The following RABGEF1 variants were observed in gnomAD, a reference collection of about 807,000 sequenced individuals.
RABGEF1 encodes the protein RAB guanine nucleotide exchange factor 1.
RABGEF1 carries 26 observed loss-of-function variants against 57.3 expected under a neutral mutation model. That is an observed-to-expected ratio of 0.45 (90% confidence interval 0.33 to 0.63). The LOEUF (loss-of-function observed/expected upper bound fraction) is 0.63, where lower values mean the gene tolerates loss of function less well. Ranked by LOEUF, RABGEF1 falls within the 20% of genes least tolerant of loss-of-function variation. The pLI is 0.02. For synonymous variants in RABGEF1, 185 were observed against 210.7 expected, an observed-to-expected ratio of 0.88 and a Z score of 1.06; for missense variants, 464 against 607.6, an observed-to-expected ratio of 0.76 and a Z score of 2.48.
At chr7:66,697,717 C>T (rs551711322) in intron 1 of RABGEF1, among the ~76,000 whole-genome samples, 2 of 152,074 alleles carry the variant, frequency 1.3e-5, no homozygotes, top group African/African-American at 4.8e-5. Context: ...CCGGCCTCAG[C>T]GAGGTGGGGG....
At chr7:66,683,211 T>C (rs1259935719) in intron 1 of RABGEF1, among the ~76,000 whole-genome samples, 2 of 152,242 alleles carry the variant, frequency 1.3e-5, no homozygotes, top group Admixed American at 6.5e-5. Context: ...CTCCTGGCCT[T>C]AAGCGATCCT....
the RABGEF1 span, among the ~76,000 whole-genome samples, chr7:66,674,352 G>C: frequency 6.6e-6 from 1 of 151,928 alleles, no homozygotes; most frequent in Non-Finnish European, 1.5e-5. Context: ...ACCACACCTG[G>C]CTGATTTTTT....
At chr7:66,692,952 G>A (rs764653802) in intron 1 of RABGEF1, among the ~76,000 whole-genome samples, 1 of 152,160 alleles carries the variant, frequency 6.6e-6, no homozygotes, top group Admixed American at 6.5e-5. Context: ...GTAATACCAG[G>A]CTCAAGGCCC....
rs1262856678 is a variant in RABGEF1, at chr7:66,699,283, GT to G, written c.-872-12882del. Among the ~76,000 whole-genome samples the G allele has an allele frequency of 2.6e-5, 4 of 152,212 alleles. No individual in the cohort carries two copies. The East Asian group carries it at 7.7e-4, about 29-fold the overall frequency. ...TTCTTCTTTTTCTGCCTCATTCTCT[GT>G]TCCCCTAGACCGGGAGACAAAGGAC... On this transcript the variant is annotated intron_variant and NMD_transcript_variant, in intron 1 of 9. Transcript: ENST00000607882.
intron 1 of RABGEF1, among the ~76,000 whole-genome samples, chr7:66,764,500 T>C (rs1175271333): frequency 6.6e-6 from 1 of 152,222 alleles, no homozygotes; most frequent in Non-Finnish European, 1.5e-5. Context: ...GCTCCTGCTT[T>C]TGGTGCCATA....
At chr7:66,738,489 G>A (rs1233894229), upstream of RABGEF1, among the ~76,000 whole-genome samples, 1 of 152,088 alleles carries the variant, frequency 6.6e-6, no homozygotes. Context: ...CAGCACTTTT[G>A]GAGGCCGGGG....
At chr7:66,799,277 C>T (rs1400636125) in intron 6 of RABGEF1, 46 bp from the exon 7 acceptor site, 3 of 1,492,928 alleles carry the variant, frequency 2.0e-6, no homozygotes, top group Admixed American at 3.4e-5. Context: ...GACAAATGGC[C>T]ACAGTTTATC....
upstream of RABGEF1, among the ~76,000 whole-genome samples, chr7:66,679,117 A>G (rs542783101): frequency 1.3e-5 from 2 of 152,308 alleles, no homozygotes; most frequent in African/African-American, 2.4e-5. Flanking sequence ...GACCTCTTCT[A>G]CATCCCCTCA....
intron 2 of RABGEF1, among the ~76,000 whole-genome samples, chr7:66,730,144 C>T (rs755775117): frequency 2.0e-5 from 3 of 152,232 alleles, no homozygotes; most frequent in Middle Eastern, 3.2e-3. Context: ...CACTTCCTCA[C>T]GTCCACGGAG....
chr7:66,660,945 G>A, the RABGEF1 span, among the ~76,000 whole-genome samples: 13,310 of 152,132 alleles, frequency 0.087, 721 homozygotes, highest in Non-Finnish European at 0.11. Flanking sequence ...TGCCAAACTG[G>A]TTGGGCACAG....
chr7:66,671,882 G>A, the RABGEF1 span, among the ~76,000 whole-genome samples: 9 of 150,288 alleles, frequency 6.0e-5, no homozygotes, highest in Non-Finnish European at 1.0e-4. Flanking sequence ...AGTGGCATGA[G>A]CACAACTCAC....
chr7:66,774,919 G>A (rs1808158881), intron 2 of RABGEF1, among the ~76,000 whole-genome samples: 3 of 152,292 alleles, frequency 2.0e-5, no homozygotes, highest in Admixed American at 6.5e-5. Flanking sequence ...GTCCCATTCT[G>A]TAGCAGTTGT....
chr7:66,691,909 T>C (rs62466129), intron 1 of RABGEF1, among the ~76,000 whole-genome samples: 1 of 151,214 alleles, frequency 6.6e-6, no homozygotes, highest in Non-Finnish European at 1.5e-5. Flanking sequence ...AAAAAAAAAT[T>C]AGTAAAGTGT....
chr7:66,694,916 C>G (rs1792093275), intron 1 of RABGEF1, among the ~76,000 whole-genome samples: 1 of 152,156 alleles, frequency 6.6e-6, no homozygotes, highest in South Asian at 2.1e-4. Context: ...GAGGTATCAG[C>G]CTGGTTCCGG....
At chr7:66,755,956 G>T in intron 1 of RABGEF1, 1 of 850,896 alleles carries the variant, frequency 1.2e-6, no homozygotes, top group South Asian at 2.0e-5. Flanking sequence ...CTCTGACATT[G>T]ACATTCACAT....
chr7:66,668,484 G>A, the RABGEF1 span, among the ~76,000 whole-genome samples: 1 of 152,212 alleles, frequency 6.6e-6, no homozygotes, highest in East Asian at 1.9e-4. Flanking sequence ...TGAGGTTTCA[G>A]GTGCAGGGGT....
intron 4 of RABGEF1, among the ~76,000 whole-genome samples, chr7:66,788,533 G>T (rs1468520438): frequency 6.6e-6 from 1 of 151,868 alleles, no homozygotes; most frequent in Non-Finnish European, 1.5e-5. Flanking sequence ...ATTTGTATTA[G>T]TCCCTTAATA....
Position 66,699,027 on chromosome 7 carries a change from T to C in RABGEF1, c.-872-13140T>C, listed in dbSNP as rs1792794038. 2.6e-5 allele frequency among the ~76,000 whole-genome samples: 4 copies of C among 152,176 alleles called. 1 individual carries two copies. The highest frequency in any genetic ancestry group is 9.7e-5 in the African/African-American group (4 of 41,446). On this transcript the variant is annotated intron_variant and NMD_transcript_variant, in intron 1 of 9. Transcript: ENST00000607882. ...GTCCCACATGCAGCGCTGGGACCTC[T>C]GGGAAGTCACTGAGACAGAGCCGCA... is the stretch of plus-strand genomic sequence containing the variant.
chr7:66,664,706 G>A, the RABGEF1 span, among the ~76,000 whole-genome samples: 1 of 152,310 alleles, frequency 6.6e-6, no homozygotes. Context: ...CCCCTCTGGA[G>A]GCCGGCCCAT....
Sources: allele counts gnomAD v4.1 joint callset (sites outside exome capture counted in the v4.1 genomes callset), GRCh38; gene constraint gnomAD v4.1.1; transcripts MANE v1.5; gene names NCBI Gene and HGNC (gene_info 2026-07-23, HGNC 2026-07-21).